PCDHGA2: variants seen among roughly 807,000 people sequenced by gnomAD.
The protein encoded by PCDHGA2 is protocadherin gamma subfamily A, 2, also known as protocadherin gamma-A2.
In PCDHGA2, 40 loss-of-function variants were observed where a neutral mutation model predicts 59.2. The observed-to-expected ratio is 0.68, with a 90% confidence interval of 0.52 to 0.88. The LOEUF is 0.88. Ranked by LOEUF, PCDHGA2 falls within the 40% of genes least tolerant of loss-of-function variation. PCDHGA2 has a pLI of 0.00. For synonymous variants in PCDHGA2, 560 were observed against 526.0 expected (o/e 1.06, Z -0.89); for missense variants, 1,226 against 1,204.0 (o/e 1.02, Z -0.27).
intron 3 of PCDHGA2, among the ~76,000 whole-genome samples, chr5:141,510,147 C>T (rs1416633745): frequency 1.3e-5 from 2 of 151,984 alleles, no homozygotes; most frequent in Non-Finnish European, 2.9e-5. Flanking sequence ...GTGGTGTGCA[C>T]CTGTAATCTC....
At chr5:141,446,798 T>C (rs1223789118) in intron 1 of PCDHGA2, among the ~76,000 whole-genome samples, 1 of 152,160 alleles carries the variant, frequency 6.6e-6, no homozygotes, top group Non-Finnish European at 1.5e-5. Flanking sequence ...AGTTCTTCCA[T>C]TGTGATCATC....
intron 1 of PCDHGA2, chr5:141,428,371 C>A: frequency 5.6e-6 from 3 of 536,772 alleles, no homozygotes; most frequent in Non-Finnish European, 1.0e-5. Flanking sequence ...CGCCTTGCAC[C>A]TGCGATGCTC....
chr5:141,395,190 A>T (rs769197632), intron 1 of PCDHGA2: 1 of 1,614,028 alleles, frequency 6.2e-7, no homozygotes, highest in East Asian at 2.2e-5. Context: ...TTCTTTGTTA[A>T]CATCCGTAGA....
At position 141,357,085 on chromosome 5, in the gene PCDHGA2, G is replaced by T. The variant is rs768829720; in HGVS notation, c.2424+15690G>T. The T allele has an allele frequency of 4.3e-6, 7 of 1,613,900 alleles. No individual in the cohort carries two copies. In the East Asian group the frequency reaches 8.9e-5, roughly 21 times the overall value. On this transcript the variant is annotated intron_variant, in intron 1 of 3. Transcript: ENST00000394576. ...GCTGCACACAGGCGAGGTGCGCACC[G>T]CACGGGCCCTGCTGGACAGAGACGC... is the stretch of plus-strand genomic sequence containing the variant.
chr5:141,468,677 T>A (rs545029270), intron 1 of PCDHGA2: 1 of 150,902 alleles, frequency 6.6e-6, no homozygotes, highest in African/African-American at 2.4e-5. Flanking sequence ...CCATCCTGGC[T>A]AACACGGTGA....
At chr5:141,415,611 A>G in intron 1 of PCDHGA2, 1 of 1,613,152 alleles carries the variant, frequency 6.2e-7, no homozygotes, top group Non-Finnish European at 8.5e-7. Context: ...CATTGGTTCC[A>G]GTGAGTTTTA....
chr5:141,360,455 A>T lies in PCDHGA2; in HGVS notation c.2424+19060A>T, dbSNP rs369787624. ...CAGCCTCTGTGTGTTCTGGATTTCG[A>T]TACTGTCGCTGAAAATCCACTAAAT... On this transcript the variant is annotated intron_variant, in intron 1 of 3. Coordinates refer to ENST00000394576, the MANE Select transcript of PCDHGA2 (RefSeq NM_018915.4). The T allele has an allele frequency of 1.4e-5, 22 of 1,613,862 alleles. No individual in the cohort carries two copies. Among genetic ancestry groups the T allele is most frequent in the Non-Finnish European group, 1.7e-5 (20 of 1,179,882 alleles).
intron 1 of PCDHGA2, chr5:141,409,616 G>T: frequency 6.2e-7 from 1 of 1,613,882 alleles, no homozygotes; most frequent in African/African-American, 1.3e-5. Context: ...AGCCTCCATT[G>T]CGCAAGTGAG....
intron 1 of PCDHGA2, chr5:141,407,957 G>C (rs1166490050): frequency 1.5e-6 from 1 of 660,376 alleles, no homozygotes; most frequent in African/African-American, 1.8e-5. Flanking sequence ...GGCCAGTGCA[G>C]AGCAAGCGCT....
At chr5:141,497,848 T>C (rs2099779951) in intron 2 of PCDHGA2, among the ~76,000 whole-genome samples, 1 of 152,178 alleles carries the variant, frequency 6.6e-6, no homozygotes, top group South Asian at 2.1e-4. Flanking sequence ...AACAAACATT[T>C]TTGATTCAGC....
At chr5:141,387,732 C>A (rs940812767) in intron 1 of PCDHGA2, 15 of 1,279,330 alleles carry the variant, frequency 1.2e-5, no homozygotes, top group South Asian at 1.6e-5. Context: ...CAGCGCCAGC[C>A]TTTACACCGC....
intron 1 of PCDHGA2, chr5:141,382,967 C>T (rs779802932): frequency 6.2e-7 from 1 of 1,609,176 alleles, no homozygotes; most frequent in Non-Finnish European, 8.5e-7. Context: ...CTGGGGACCC[C>T]CTGGGAAGCC....
At chr5:141,357,358 C>G in intron 1 of PCDHGA2, 1 of 1,614,172 alleles carries the variant, frequency 6.2e-7, no homozygotes, top group Non-Finnish European at 8.5e-7. Flanking sequence ...GAGACGCTGG[C>G]ACAAGTCACG....
chr5:141,355,170 G>A (rs200043254), intron 1 of PCDHGA2: 9 of 1,569,662 alleles, frequency 5.7e-6, no homozygotes, highest in Non-Finnish European at 2.6e-6. Flanking sequence ...AGGGAAAACC[G>A]AAGCACAGGC....
chr5:141,374,993 T>G (rs1439480761), intron 1 of PCDHGA2: 1 of 1,613,938 alleles, frequency 6.2e-7, no homozygotes, highest in Non-Finnish European at 8.5e-7. Flanking sequence ...AATTTCAACT[T>G]CTGCAAATCT....
intron 1 of PCDHGA2, chr5:141,400,208 T>G: frequency 6.2e-7 from 1 of 1,614,042 alleles, no homozygotes; most frequent in South Asian, 1.1e-5. Context: ...GCCTTGGCCT[T>G]GATCTCAGTG....
chr5:141,418,527 G>A, intron 1 of PCDHGA2: 2 of 1,614,018 alleles, frequency 1.2e-6, no homozygotes, highest in South Asian at 1.1e-5. Flanking sequence ...CCTCCCCGAA[G>A]CGGTACTGCT....
intron 1 of PCDHGA2, chr5:141,478,160 GC>G (rs764598056): frequency 1.9e-6 from 3 of 1,613,964 alleles, no homozygotes; most frequent in Non-Finnish European, 2.5e-6. Flanking sequence ...CTCTGGCTCT[GC>G]CCCCCGGGAG....
intron 1 of PCDHGA2, chr5:141,350,947 TACGGATGCCAATGATA>T: frequency 6.2e-7 from 1 of 1,614,070 alleles, no homozygotes; most frequent in South Asian, 1.1e-5. Flanking sequence ...GGATCCGAGT[TACGGATGCCAATGATA>T]ATGCTCCCGT....
Sources: gnomAD v4.1 joint callset for allele counts (sites outside exome capture counted in the v4.1 genomes callset) on GRCh38, gnomAD v4.1.1 for gene constraint, MANE v1.5 for transcripts, NCBI Gene and HGNC (gene_info 2026-07-23, HGNC 2026-07-21) for gene names.